Variants in SGCD observed in about 807,000 individuals in gnomAD.
The protein encoded by SGCD is sarcoglycan delta.
A neutral mutation model predicts 36.6 loss-of-function variants in SGCD; 18 were observed. The ratio of observed to expected loss-of-function variants is 0.49; its 90% CI spans 0.34 to 0.73. SGCD has a LOEUF of 0.73. Among genes scored for constraint, SGCD ranks in the 30% least tolerant of loss-of-function variants. The pLI, the probability that SGCD is intolerant of heterozygous loss-of-function variation, is 0.01. For synonymous variants in SGCD, 133 were observed against 130.6 expected (o/e 1.02, Z -0.12); for missense variants, 387 against 346.7 (o/e 1.12, Z -0.92).
At chr5:156,074,036 C>T (rs531156290) in intron 1 of SGCD, among the ~76,000 whole-genome samples, 27 of 152,220 alleles carry the variant, frequency 1.8e-4, no homozygotes, top group South Asian at 8.3e-4. Context: ...ACCTAGAGCC[C>T]GAGCTAGGAA....
intron 1 of SGCD, among the ~76,000 whole-genome samples, chr5:156,048,589 T>C (rs1759834408): frequency 6.6e-6 from 1 of 152,248 alleles, no homozygotes; most frequent in Non-Finnish European, 1.5e-5. Flanking sequence ...TGATGAGCAT[T>C]TTTTGATGTG....
Position 155,993,337 on chromosome 5 carries a change from C to CTTT in SGCD, c.-282+122932_-282+122934dup, listed in dbSNP as rs34221751. Reference sequence around the variant, plus strand: ...ACCTTATTAATACAAATCTGGGGTCCTTTTTTTTTTTTTTTTTTTTTGAGA... The same window carrying CTTT: ...ACCTTATTAATACAAATCTGGGGTCCTTTTTTTTTTTTTTTTTTTTTTTTGAGA... On this transcript the variant is annotated intron_variant, in intron 1 of 9. Transcript: ENST00000517913. 3.4e-3 allele frequency among the ~76,000 whole-genome samples: 394 copies of CTTT among 114,508 alleles called. 11 individuals are homozygous for CTTT. Among genetic ancestry groups the CTTT allele is most frequent in the African/African-American group, 0.012 (359 of 31,162 alleles). The allele number at this position is 114,508 out of a possible 152,430, so 75.1% of individuals were successfully genotyped here. A position where few individuals can be genotyped will look rare whatever the true frequency, so the allele number is the denominator to read the frequency against.
the SGCD span, among the ~76,000 whole-genome samples, chr5:155,786,891 C>T: frequency 6.6e-6 from 1 of 152,156 alleles, no homozygotes. Flanking sequence ...AAAGACAAAA[C>T]CTGTGCTTGC....
rs70982002 is a variant in SGCD at position 156,287,627 on chromosome 5, TTGTGTGTGTGTG to T, written c.-43-41883_-43-41872del. 4.9e-3 allele frequency among the ~76,000 whole-genome samples: 723 copies of T among 146,378 alleles called. 4 individuals are homozygous for T. The highest frequency in any genetic ancestry group is 8.3e-3 in the Non-Finnish European group (550 of 66,436). ...AGCTTGGAACTTTAGTTCCGTTTCT[TTGTGTGTGTGTG>T]TGTGTGTGTGTGTGTGTGTGTGTAT... On this transcript the variant is annotated intron_variant, in intron 3 of 9. Transcript: ENST00000517913.
intron 1 of SGCD, among the ~76,000 whole-genome samples, chr5:156,024,098 G>T (rs950352539): frequency 1.3e-5 from 2 of 152,118 alleles, no homozygotes; most frequent in African/African-American, 4.8e-5. Flanking sequence ...GAGTTCCAAG[G>T]ATGGCAGCGT....
At chr5:155,997,091 G>T (rs1042993853) in intron 1 of SGCD, among the ~76,000 whole-genome samples, 1 of 152,188 alleles carries the variant, frequency 6.6e-6, no homozygotes, top group Admixed American at 6.5e-5. Flanking sequence ...TTGAGAAATT[G>T]TGTGAGAAGA....
intron 3 of SGCD, among the ~76,000 whole-genome samples, chr5:156,307,555 GT>G (rs59481792): frequency 0.1 from 4,123 of 40,838 alleles, 123 homozygotes; most frequent in African/African-American, 0.27. Flanking sequence ...TTTAACTGTT[GT>G]TTTTTTTTTT....
intron 3 of SGCD, among the ~76,000 whole-genome samples, chr5:156,284,836 G>C (rs913100282): frequency 6.6e-6 from 1 of 152,152 alleles, no homozygotes; most frequent in Non-Finnish European, 1.5e-5. Context: ...AATGAGGCAG[G>C]AGAAGGAAAT....
chr5:156,377,202 G>A lies in SGCD; in HGVS notation c.192+32525G>A, dbSNP rs541333027. 3.9e-4 allele frequency among the ~76,000 whole-genome samples: 59 copies of A among 152,218 alleles called. No individual in the cohort carries two copies. The Middle Eastern group carries it at 0.01, about 26-fold the overall frequency. Reference sequence around the variant, plus strand: ...TTAGTCTAATTAATTCATCTGATAAGCATCTTAATATTGCCAGCATTAAGC... The same window carrying A: ...TTAGTCTAATTAATTCATCTGATAAACATCTTAATATTGCCAGCATTAAGC... On this transcript the variant is annotated intron_variant, in intron 3 of 8. Coordinates refer to ENST00000337851, the MANE Select transcript of SGCD (RefSeq NM_000337.6).
At chr5:156,605,924 C>A (rs2113435251) in intron 6 of SGCD, among the ~76,000 whole-genome samples, 1 of 152,254 alleles carries the variant, frequency 6.6e-6, no homozygotes, top group Non-Finnish European at 1.5e-5. Flanking sequence ...TGTTGGAGTT[C>A]ATTGCAGATT....
intron 4 of SGCD, among the ~76,000 whole-genome samples, chr5:156,581,408 C>A (rs1370450151): frequency 6.6e-6 from 1 of 152,226 alleles, no homozygotes; most frequent in Non-Finnish European, 1.5e-5. Context: ...TCTGTCCATT[C>A]TCCAAGCCCA....
chr5:156,735,727 G>A (rs920041424), intron 7 of SGCD, among the ~76,000 whole-genome samples: 4 of 152,104 alleles, frequency 2.6e-5, no homozygotes, highest in African/African-American at 7.2e-5. Context: ...AGCAGGGCCC[G>A]CAGACCATCG....
intron 3 of SGCD, among the ~76,000 whole-genome samples, chr5:156,205,290 G>A (rs1369049764): frequency 1.3e-5 from 2 of 152,048 alleles, no homozygotes; most frequent in African/African-American, 4.8e-5. Flanking sequence ...TCTTTTGTTG[G>A]AAGCTGCAGA....
At chr5:156,018,003 T>C (rs992020975) in intron 1 of SGCD, among the ~76,000 whole-genome samples, 4 of 151,888 alleles carry the variant, frequency 2.6e-5, no homozygotes, top group Non-Finnish European at 5.9e-5. Context: ...CTACAAAAAA[T>C]AAAATAATTA....
Position 155,870,612 on chromosome 5 carries a change from A to G in SGCD, c.-282+188A>G, listed in dbSNP as rs111723961. Among the ~76,000 whole-genome samples, 704 of 152,286 alleles carry G rather than the reference A, an allele frequency of 4.6e-3. 2 individuals are homozygous for G. The highest frequency in any genetic ancestry group is 6.4e-3 in the Non-Finnish European group (435 of 68,016). On this transcript the variant is annotated intron_variant, in intron 1 of 9. Transcript: ENST00000517913. ...AAATAGAAGAATCAAAGATTTTAAT[A>G]TTCTGATGATTGTATTCTCTGCCTC...
intron 4 of SGCD, among the ~76,000 whole-genome samples, chr5:156,535,996 G>A (rs1244929535): frequency 3.3e-5 from 5 of 152,076 alleles, no homozygotes; most frequent in South Asian, 2.1e-4. Context: ...AGAAAGATGC[G>A]TATGAGACAT....
chr5:156,458,892 C>G (rs183363719), intron 3 of SGCD, among the ~76,000 whole-genome samples: 96 of 152,292 alleles, frequency 6.3e-4, no homozygotes, highest in Non-Finnish European at 1.1e-3. Context: ...AAACTTGAAA[C>G]TCTTTGAAAG....
intron 3 of SGCD, among the ~76,000 whole-genome samples, chr5:156,429,265 CTT>C (rs3074973): frequency 0.022 from 2,761 of 123,742 alleles, 97 homozygotes; most frequent in African/African-American, 0.074. Context: ...CCCTCATTGT[CTT>C]TTTTTTTTTT....
intron 1 of SGCD, among the ~76,000 whole-genome samples, chr5:156,055,159 T>C (rs7724381): frequency 0.057 from 8,145 of 143,472 alleles, 1,179 homozygotes; most frequent in East Asian, 0.47. Context: ...TTTTTTTTTT[T>C]CCCCATAGAA....
Sources: allele counts gnomAD v4.1 joint callset (sites outside exome capture counted in the v4.1 genomes callset), GRCh38; gene constraint gnomAD v4.1.1; transcripts MANE v1.5; gene names NCBI Gene and HGNC (gene_info 2026-07-23, HGNC 2026-07-21).